Variants in SETDB2 observed in about 807,000 individuals in gnomAD.
SETDB2 encodes the protein SET domain bifurcated histone lysine methyltransferase 2.
Under a neutral mutation model 82.5 loss-of-function variants are expected in SETDB2, and 56 were observed. The ratio of observed to expected loss-of-function variants is 0.68; its 90% CI spans 0.55 to 0.85. SETDB2 has a LOEUF of 0.85. SETDB2 is among the 40% of genes least tolerant of loss of function. The pLI is 0.00. For missense variants in SETDB2, 677 were observed against 816.4 expected, an observed-to-expected ratio of 0.83 and a Z score of 2.08; for synonymous variants, 272 against 284.9, an observed-to-expected ratio of 0.95 and a Z score of 0.46.
intron 1 of SETDB2, among the ~76,000 whole-genome samples, chr13:49,445,140 G>C (rs551402118): frequency 6.6e-6 from 1 of 152,086 alleles, no homozygotes; most frequent in Non-Finnish European, 1.5e-5. Context: ...TCCTTATTTC[G>C]TGTCTGCCAC....
At chr13:49,460,260 G>A (rs1422766788) in intron 3 of SETDB2, 28 bp downstream of exon 3, 2 of 1,601,418 alleles carry the variant, frequency 1.2e-6, no homozygotes, top group Non-Finnish European at 1.7e-6. Context: ...CTTTGAATAT[G>A]TTTAATACTA....
At position 49,483,646 on chromosome 13, in the gene SETDB2, T is replaced by G. The variant is rs971603109; in HGVS notation, c.1482+83T>G. 4.2e-5 allele frequency: 16 copies of G among 377,874 alleles called. 1 individual carries two copies. The highest frequency in any genetic ancestry group is 6.1e-5 in the Non-Finnish European group (14 of 231,200). 23.4% of individuals were successfully genotyped at this position (377,874 alleles called of 1,614,324 possible). On this transcript the variant is annotated intron_variant, in intron 10 of 13. Coordinates refer to ENST00000611815, the MANE Select transcript of SETDB2 (RefSeq NM_001160308.3). ...TTTTTTTTTTTTTTTTTTTTTTTTT[T>G]GACGCAGAGTCTCACTCTGTCACCC...
At chr13:49,447,249 C>G (rs1957707819) in intron 1 of SETDB2, among the ~76,000 whole-genome samples, 1 of 152,084 alleles carries the variant, frequency 6.6e-6, no homozygotes, top group Non-Finnish European at 1.5e-5. Context: ...AATTATGCCT[C>G]CTTTTTGTTG....
chr13:49,486,013 A>G (rs1487597653), intron 11 of SETDB2, among the ~76,000 whole-genome samples: 1 of 151,828 alleles, frequency 6.6e-6, no homozygotes, highest in Non-Finnish European at 1.5e-5. Flanking sequence ...TGAAATTACA[A>G]TTTTAGTGTC....
chr13:49,463,880 G>A, intron 4 of SETDB2: 1 of 629,726 alleles, frequency 1.6e-6, no homozygotes, highest in Non-Finnish European at 2.8e-6. Context: ...TTTGTGTCCT[G>A]GCTTCTTAGA....
chr13:49,491,846 A>G lies in SETDB2; in HGVS notation c.2121A>G (p.Leu707=). The stretch of plus-strand genomic sequence containing the variant: ...TTAATAAATGTAGAAAAAAAATATT[A>G]TAAATATGTAACTAACGCCTGTTTG... ...CGVNKCRKKI[L] is the part of the protein sequence containing the mutation. The change falls in exon 14 of 14, where the codon TTA becomes TTG. Residue 707 remains leucine (L), a synonymous_variant. Transcript: ENST00000611815. The G allele has an allele frequency of 6.3e-7, 1 of 1,584,626 alleles. No homozygotes were observed. Among genetic ancestry groups the G allele is most frequent in the South Asian group, 1.1e-5 (1 of 90,298 alleles).
At chr13:49,491,611 G>T in intron 13 of SETDB2, 121 bp from the exon 14 acceptor site, 2 of 679,974 alleles carry the variant, frequency 2.9e-6, no homozygotes, top group East Asian at 2.6e-5. Context: ...GGTGGATGTT[G>T]GGTGAGAGAA....
In SETDB2 at chr13:49,468,584, CAAA is replaced by C. The variant is rs1958162480; in HGVS notation, c.305+625_305+627del. ...GAGTAGAGAACATAGTTTCAAAAAA[CAAA>C]GAAGTATCTTTAGAAAGAAACTTCT... On this transcript the variant is annotated intron_variant, in intron 5 of 13. Transcript: ENST00000611815. 2.4e-5 allele frequency among the ~76,000 whole-genome samples: 3 copies of C among 122,950 alleles called. No homozygotes were observed. The South Asian group carries it at 8.4e-4, about 34-fold the overall frequency. The allele number at this position is 122,950 out of a possible 152,430, so 80.7% of individuals were successfully genotyped here. A position where few individuals can be genotyped will look rare whatever the true frequency, so the allele number is the denominator to read the frequency against.
chr13:49,467,625 G>A (rs1446981053), intron 4 of SETDB2, among the ~76,000 whole-genome samples: 1 of 152,124 alleles, frequency 6.6e-6, no homozygotes, highest in African/African-American at 2.4e-5. Context: ...TCAAGTTCAG[G>A]CCAAACTAGA....
chr13:49,479,637 A>G (rs1484779261), intron 6 of SETDB2, among the ~76,000 whole-genome samples: 1 of 152,224 alleles, frequency 6.6e-6, no homozygotes, highest in Non-Finnish European at 1.5e-5. Flanking sequence ...AGAGTCCCCA[A>G]GTTCCTTACT....
chr13:49,468,395 C>A (rs1958158490), intron 5 of SETDB2, among the ~76,000 whole-genome samples: 2 of 151,930 alleles, frequency 1.3e-5, no homozygotes, highest in Admixed American at 6.6e-5. Context: ...CTGACCTTCC[C>A]TTTCTCATTT....
intron 5 of SETDB2, among the ~76,000 whole-genome samples, chr13:49,469,000 A>G (rs1374671564): frequency 6.6e-6 from 1 of 152,168 alleles, no homozygotes; most frequent in Admixed American, 6.5e-5. Flanking sequence ...CAAGCTCTCT[A>G]CCAAACAGTT....
At chr13:49,461,550 G>A (rs1005569338) in intron 4 of SETDB2, among the ~76,000 whole-genome samples, 1 of 152,180 alleles carries the variant, frequency 6.6e-6, no homozygotes, top group African/African-American at 2.4e-5. Context: ...TTTCTAGATT[G>A]CTTTTAGACC....
rs1288692615 is a variant in SETDB2 at position 49,451,900 on chromosome 13, G to GA, written c.14dup (p.Asn5LysfsTer14). ...TTATAAGCGACATCAAAAGATGGGA[G>GA]AAAAAAATGGTAGGTTGAAGAACAC... On this transcript the variant is annotated frameshift_variant, in exon 2 of 14. Coordinates refer to ENST00000611815, the MANE Select transcript of SETDB2 (RefSeq NM_001160308.3). LOFTEE classifies it high-confidence loss of function. The GA allele has an allele frequency of 3.8e-6, 6 of 1,591,720 alleles. No individual in the cohort carries two copies. The highest frequency in any genetic ancestry group is 1.7e-5 in the Admixed American group (1 of 57,738).
At chr13:49,474,927 G>A (rs899291178) in intron 5 of SETDB2, among the ~76,000 whole-genome samples, 2 of 152,176 alleles carry the variant, frequency 1.3e-5, no homozygotes, top group Admixed American at 6.5e-5. Context: ...CTACCATATC[G>A]GACAGCACAG....
At chr13:49,483,170 A>G (rs1329048077) in intron 9 of SETDB2, among the ~76,000 whole-genome samples, 1 of 152,194 alleles carries the variant, frequency 6.6e-6, no homozygotes, top group African/African-American at 2.4e-5. Context: ...ATTTTACCTT[A>G]TATGACTTTA....
intron 1 of SETDB2, among the ~76,000 whole-genome samples, chr13:49,447,577 G>C (rs1957713992): frequency 6.6e-6 from 1 of 151,822 alleles, no homozygotes; most frequent in East Asian, 1.9e-4. Context: ...TTGCTAAGGG[G>C]CCCCCCCACC....
intron 5 of SETDB2, among the ~76,000 whole-genome samples, chr13:49,471,934 A>ATATATTT (rs1378783393): frequency 8.4e-6 from 1 of 119,260 alleles, no homozygotes; most frequent in South Asian, 2.9e-4. Context: ...ATATATATAT[A>ATATATTT]TTTTTTTTTT....
intron 4 of SETDB2, among the ~76,000 whole-genome samples, chr13:49,466,416 A>G (rs1441598966): frequency 6.6e-6 from 1 of 151,344 alleles, no homozygotes; most frequent in East Asian, 1.9e-4. Context: ...AGCCTGGGTG[A>G]CAGAGCAAGA....
Sources: allele counts gnomAD v4.1 joint callset (sites outside exome capture counted in the v4.1 genomes callset), GRCh38; gene constraint gnomAD v4.1.1; transcripts MANE v1.5; gene names NCBI Gene and HGNC (gene_info 2026-07-23, HGNC 2026-07-21).